SPDL1: variants seen among roughly 807,000 people sequenced by gnomAD.
SPDL1 encodes spindle apparatus coiled-coil protein 1.
In SPDL1, 85 loss-of-function variants were observed where a neutral mutation model predicts 79.5. That is an observed-to-expected ratio of 1.07 (90% CI 0.90 to 1.28). SPDL1 has a LOEUF of 1.28. Ranked by LOEUF, SPDL1 falls within the 50% of genes most tolerant of loss-of-function variation. SPDL1 has a pLI of 0.00. For missense variants in SPDL1, 703 were observed against 697.8 expected (o/e 1.01, Z -0.08); for synonymous variants, 269 against 240.3 (o/e 1.12, Z -1.10).
At position 169,599,036 on chromosome 5, in the gene SPDL1, C is replaced by T; in HGVS notation, c.1201C>T (p.Gln401Ter). The change falls in exon 10 of 12, where the codon CAG becomes TAG. Residue 401 changes from glutamine to a stop codon, truncating the protein, a stop_gained. Transcript: ENST00000265295. LOFTEE classifies it high-confidence loss of function. ...GCGAATGAAAGCATTATTTGAGAGC[C>T]AGCGGGCTCTAGATATTGAGCGAAA... ...IQRMKALFES[Q>*]RALDIERKLF... is the part of the protein sequence containing the mutation. The T allele has an allele frequency of 6.3e-7, 1 of 1,593,460 alleles. No individual in the cohort carries two copies. Among genetic ancestry groups the T allele is most frequent in the Non-Finnish European group, 8.6e-7 (1 of 1,166,052 alleles).
In SPDL1 at chr5:169,594,641, A is replaced by G. The variant is rs1322386722; in HGVS notation, c.851A>G (p.Lys284Arg). ...SMKVKYQSLK[K>R]QNVFNREQMQ... is the part of the protein sequence containing the mutation. ...AAAGTCAAGTATCAGTCACTAAAGA[A>G]GCAAAATGTATTTAACAGAGAACAG... Residue 284 changes from lysine to arginine, a missense_variant, in exon 7 of 12, where the codon AAG (lysine) becomes AGG (arginine). Transcript: ENST00000265295. 1 of 1,613,908 alleles carries G rather than the reference A, an allele frequency of 6.2e-7. No homozygotes were observed.
At chr5:169,585,914 A>C (rs1754964669) in intron 1 of SPDL1, 2 of 152,184 alleles carry the variant, frequency 1.3e-5, no homozygotes, top group South Asian at 2.1e-4. Flanking sequence ...TTCTATTAAA[A>C]CCAGTCTCTA....
intron 11 of SPDL1, among the ~76,000 whole-genome samples, chr5:169,602,657 T>G (rs1755995295): frequency 6.6e-6 from 1 of 152,218 alleles, no homozygotes; most frequent in South Asian, 2.1e-4. Flanking sequence ...AATGTAATAT[T>G]CAACAGTAAA....
chr5:169,595,014 C>T (rs376971812), intron 7 of SPDL1, among the ~76,000 whole-genome samples: 16 of 152,272 alleles, frequency 1.1e-4, no homozygotes, highest in Admixed American at 9.2e-4. Context: ...CCAAGCATAG[C>T]CCTAGGGTTC....
intron 10 of SPDL1, among the ~76,000 whole-genome samples, chr5:169,600,022 ACT>A (rs1755800189): frequency 3.3e-5 from 5 of 152,206 alleles, no homozygotes; most frequent in African/African-American, 1.2e-4. Flanking sequence ...CATCTTATAT[ACT>A]ACAGAGAGTG....
Position 169,583,857 on chromosome 5 carries a change from G to C in SPDL1, c.-56G>C, listed in dbSNP as rs1231576067. On this transcript the variant is annotated 5_prime_UTR_variant, in exon 1 of 12. Transcript: ENST00000265295. ...ACGCCCTGAGCTCCCATTAGGAGCC[G>C]CTGGCTGCGGCAGCAGGGGACTAGC... The C allele has an allele frequency of 6.6e-6, 1 of 152,394 alleles. No homozygotes were observed. The highest frequency in any genetic ancestry group is 1.9e-4 in the East Asian group (1 of 5,204). 9.4% of individuals were successfully genotyped at this position (152,394 alleles called of 1,614,324 possible).
rs1561880977 is a variant in SPDL1 at position 169,604,085 on chromosome 5, A to G, written c.1696A>G (p.Thr566Ala). Residue 566 changes from threonine to alanine, a missense_variant, in exon 12 of 12, where the codon ACA (threonine) becomes GCA (alanine). Coordinates refer to ENST00000265295, the MANE Select transcript of SPDL1 (RefSeq NM_017785.5). ...GTTAGCTGCTGAATCAAAGCTTCAA[A>G]CAGAAGTTAAAGAAGGAAAAGAAAC... The part of the protein sequence containing the change: ...PRLAAESKLQ[T>A]EVKEGKETSS... 2 of 1,612,408 alleles carry G rather than the reference A, an allele frequency of 1.2e-6. No homozygotes were observed. The highest frequency in any genetic ancestry group is 1.7e-6 in the Non-Finnish European group (2 of 1,179,406).
At chr5:169,603,154 C>T (rs1756023078) in intron 11 of SPDL1, among the ~76,000 whole-genome samples, 1 of 151,942 alleles carries the variant, frequency 6.6e-6, no homozygotes, top group African/African-American at 2.4e-5. Context: ...TAAAATGTTT[C>T]CGACTCTTTG....
Position 169,594,334 on chromosome 5 carries a change from A to G in SPDL1, c.681+40A>G, listed in dbSNP as rs774980600. 1.9e-5 allele frequency: 31 copies of G among 1,612,474 alleles called. No homozygotes were observed. The South Asian group carries it at 2.0e-4, about 10-fold the overall frequency. On this transcript the variant is annotated intron_variant, in intron 5 of 11. Transcript: ENST00000265295. ...GTAACATCATGTTTTCCAATTTATC[A>G]TAACTTATTTTCTTGCTAATGTAAT...
At chr5:169,594,369 C>G in intron 5 of SPDL1, 25 bp from the exon 6 acceptor site, 1 of 1,613,022 alleles carries the variant, frequency 6.2e-7, no homozygotes, top group Non-Finnish European at 8.5e-7. Context: ...TCTCTGTTGC[C>G]TAAATTGTTT....
At chr5:169,597,878 A>C (rs1214670527) in intron 8 of SPDL1, among the ~76,000 whole-genome samples, 1 of 152,206 alleles carries the variant, frequency 6.6e-6, no homozygotes, top group Non-Finnish European at 1.5e-5. Flanking sequence ...TGGGCTCAGA[A>C]CTATACTCTG....
chr5:169,592,104 C>G lies in SPDL1; in HGVS notation c.336+880C>G, dbSNP rs569253840. Among the ~76,000 whole-genome samples, 28 of 151,720 alleles carry G rather than the reference C, an allele frequency of 1.8e-4. 1 individual carries two copies. In the East Asian group the frequency reaches 5.2e-3, roughly 28 times the overall value. The stretch of plus-strand genomic sequence containing the variant: ...TTTTCAGCTTCTTGTATAGCAGCCT[C>G]TAAGATTTTTCTTTTTCTGTATACC... On this transcript the variant is annotated intron_variant, in intron 3 of 11. Coordinates refer to ENST00000265295, the MANE Select transcript of SPDL1 (RefSeq NM_017785.5).
intron 8 of SPDL1, among the ~76,000 whole-genome samples, chr5:169,597,073 A>C (rs944991024): frequency 6.6e-6 from 1 of 152,138 alleles, no homozygotes; most frequent in African/African-American, 2.4e-5. Context: ...CTGATACTCA[A>C]ATTGTCCCAG....
At chr5:169,595,105 C>G (rs949458902) in intron 7 of SPDL1, among the ~76,000 whole-genome samples, 10 of 152,200 alleles carry the variant, frequency 6.6e-5, no homozygotes, top group African/African-American at 1.9e-4. Context: ...TTGGATTATT[C>G]AGGGTTCCCT....
Position 169,601,601 on chromosome 5 carries a change from G to T in SPDL1, c.1646G>T (p.Ser549Ile). The T allele has an allele frequency of 6.2e-7, 1 of 1,614,168 alleles. No homozygotes were observed. The highest frequency in any genetic ancestry group is 8.5e-7 in the Non-Finnish European group (1 of 1,180,026). ...GACGCTGAGGCCTTAAGTGAAAGAAGTGGAAACACCCCTAACTCTCCCAGG... is the reference window on the plus strand; with the variant it reads ...GACGCTGAGGCCTTAAGTGAAAGAATTGGAAACACCCCTAACTCTCCCAGG... ...PADAEALSER[S>I]GNTPNSPRLA... Residue 549 changes from serine to isoleucine, a missense_variant, in exon 11 of 12, where the codon AGT (serine) becomes ATT (isoleucine). Physicochemically the swap from Ser to Ile is moderately radical, Grantham distance 142. Transcript: ENST00000265295.
chr5:169,588,381 C>T lies in SPDL1; in HGVS notation c.-23-13C>T, dbSNP rs942584698. 6.4e-7 allele frequency: 1 copy of T among 1,554,144 alleles called. No homozygotes were observed. The highest frequency in any genetic ancestry group is 8.7e-7 in the Non-Finnish European group (1 of 1,151,980). ...TGTATAAGCTTAAGTAGTTTTATTT[C>T]CTCTATTTACAGTTGGCTAAAAAAA... On this transcript the variant is annotated splice_polypyrimidine_tract_variant and intron_variant, in intron 1 of 11. Coordinates refer to ENST00000265295, the MANE Select transcript of SPDL1 (RefSeq NM_017785.5).
intron 10 of SPDL1, among the ~76,000 whole-genome samples, chr5:169,600,946 G>A (rs1755844619): frequency 6.6e-6 from 1 of 152,102 alleles, no homozygotes; most frequent in African/African-American, 2.4e-5. Context: ...ATTCGAACCT[G>A]GACTCTGCCG....
intron 8 of SPDL1, among the ~76,000 whole-genome samples, chr5:169,596,923 A>G (rs77262577): frequency 6.6e-4 from 101 of 152,206 alleles, no homozygotes; most frequent in African/African-American, 2.3e-3. Flanking sequence ...CACTTCTTCT[A>G]TATTTATTAG....
chr5:169,601,598 G>C lies in SPDL1; in HGVS notation c.1643G>C (p.Arg548Thr). Residue 548 changes from arginine to threonine, a missense_variant, in exon 11 of 12, where the codon AGA becomes ACA. Physicochemically the swap from Arg to Thr is moderately conservative, Grantham distance 71. Coordinates refer to ENST00000265295, the MANE Select transcript of SPDL1 (RefSeq NM_017785.5). ...VPADAEALSE[R>T]SGNTPNSPRL... Reference sequence around the variant, plus strand: ...GCTGACGCTGAGGCCTTAAGTGAAAGAAGTGGAAACACCCCTAACTCTCCC... The same window carrying C: ...GCTGACGCTGAGGCCTTAAGTGAAACAAGTGGAAACACCCCTAACTCTCCC... 1 of 1,614,168 alleles carries C rather than the reference G, an allele frequency of 6.2e-7. No homozygotes were observed. The highest frequency in any genetic ancestry group is 1.1e-5 in the South Asian group (1 of 91,070).
Sources: gnomAD v4.1 joint callset for allele counts (sites outside exome capture counted in the v4.1 genomes callset) on GRCh38, gnomAD v4.1.1 for gene constraint, MANE v1.5 for transcripts, NCBI Gene and HGNC (gene_info 2026-07-23, HGNC 2026-07-21) for gene names.